The following AKAP3 variants were observed in gnomAD, a reference collection of about 807,000 sequenced individuals.
The protein encoded by AKAP3 is A-kinase anchoring protein 3, also known as A-kinase anchor protein 3.
Under a neutral mutation model 57.2 loss-of-function variants are expected in AKAP3, and 27 were observed. The ratio of observed to expected loss-of-function variants is 0.47; its 90% CI spans 0.35 to 0.65. The LOEUF is 0.65. Ranked by LOEUF, AKAP3 falls within the 30% of genes least tolerant of loss-of-function variation. The pLI is 0.01. For synonymous variants in AKAP3, 334 were observed against 392.3 expected (o/e 0.85, Z 1.76); for missense variants, 959 against 1,040.0 (o/e 0.92, Z 1.07).
At position 4,627,993 on chromosome 12, in the gene AKAP3, T is replaced by C; in HGVS notation, c.909A>G (p.Thr303=). 8 of 1,614,070 alleles carry C rather than the reference T, an allele frequency of 5.0e-6. No individual in the cohort carries two copies. The highest frequency in any genetic ancestry group is 5.9e-6 in the Non-Finnish European group (7 of 1,179,986). ...TTGTGTCTTTCACTTGGATCTTCAG[T>C]GTCTTCATGATGGAGACCATCATAT... is the stretch of plus-strand genomic sequence containing the variant. ...VSDMMVSIMK[T]LKIQVKDTTI... is the part of the protein sequence containing the mutation. Residue 303 remains threonine (T), a synonymous_variant, in exon 5 of 6, where the codon ACA becomes ACG. Transcript: ENST00000228850.
At chr12:4,622,559 G>A (rs994354914) in intron 5 of AKAP3, among the ~76,000 whole-genome samples, 5 of 152,130 alleles carry the variant, frequency 3.3e-5, no homozygotes, top group African/African-American at 1.2e-4. Flanking sequence ...TAGGTGCTGG[G>A]ATAACTGGCT....
In AKAP3 at chr12:4,627,077, G is replaced by A. The variant is rs1260746821; in HGVS notation, c.1825C>T (p.Arg609Cys). 5.6e-6 allele frequency: 9 copies of A among 1,614,072 alleles called. No homozygotes were observed. The highest frequency in any genetic ancestry group is 4.0e-5 in the African/African-American group (3 of 75,026). ...RNLLSETIFK[R>C]DQSPEPKVPE... ...ACCTTGGGTTCAGGGCTCTGGTCAC[G>A]CTTGAAAATGGTCTCACTAAGTAAG... is the stretch of plus-strand genomic sequence containing the variant. Residue 609 changes from arginine to cysteine, a missense_variant, in exon 5 of 6, where the codon CGT becomes TGT. Arg to Cys is a radical substitution (Grantham distance 180). Transcript: ENST00000228850.
At position 4,649,007 on chromosome 12, in the gene AKAP3, C is replaced by G; in HGVS notation, c.-507G>C. ...CCCAGCTTTCTTCTTAACCAACAATCTACCCGAAACCGTCGTTTCTTGGTT... is the reference window on the plus strand; with the variant it reads ...CCCAGCTTTCTTCTTAACCAACAATGTACCCGAAACCGTCGTTTCTTGGTT... On this transcript the variant is annotated 5_prime_UTR_variant, in exon 1 of 6. Transcript: ENST00000228850. The G allele has an allele frequency of 8.8e-7, 1 of 1,138,872 alleles. No individual in the cohort carries two copies. The highest frequency in any genetic ancestry group is 1.3e-6 in the Non-Finnish European group (1 of 793,552). 70.5% of individuals were successfully genotyped at this position (1,138,872 alleles called of 1,614,324 possible). A position where few individuals can be genotyped will look rare whatever the true frequency, so the allele number is the denominator to read the frequency against.
At chr12:4,639,670 T>C (rs1249630878) in intron 3 of AKAP3, among the ~76,000 whole-genome samples, 1 of 145,190 alleles carries the variant, frequency 6.9e-6, no homozygotes, top group Non-Finnish European at 1.5e-5. Context: ...AGTGAGAACA[T>C]GCAGTGTTTG....
At chr12:4,628,964 A>G (rs1379578209) in intron 4 of AKAP3, among the ~76,000 whole-genome samples, 159 bp from the exon 5 acceptor site, 1 of 152,260 alleles carries the variant, frequency 6.6e-6, no homozygotes, top group African/African-American at 2.4e-5. Flanking sequence ...TGTGTATCAG[A>G]CATTGTTCCA....
intron 1 of AKAP3, among the ~76,000 whole-genome samples, chr12:4,647,161 C>T (rs1945709724): frequency 6.6e-6 from 1 of 152,122 alleles, no homozygotes; most frequent in African/African-American, 2.4e-5. Context: ...TTTGATACTT[C>T]AGTGGTATTT....
At position 4,615,819 on chromosome 12, in the gene AKAP3, C is replaced by T. The variant is rs1203883271; in HGVS notation, c.2482G>A (p.Glu828Lys). Residue 828 changes from glutamate (E) to lysine (K), a missense_variant, in exon 6 of 6, where the codon GAG becomes AAG. By Grantham distance (56) the Glu-to-Lys change is moderately conservative. Transcript: ENST00000228850. ...GCCTCATTCAGCTGGCGCTCCTTCT[C>T]ATAGCGCAGCACCGACTGCAGAACC... ...GEVLQSVLRYEKERQLNEAVG... is the reference protein window; with the variant it reads ...GEVLQSVLRYKKERQLNEAVG... The T allele has an allele frequency of 1.2e-6, 2 of 1,614,132 alleles. No homozygotes were observed. Among genetic ancestry groups the T allele is most frequent in the Non-Finnish European group, 8.5e-7 (1 of 1,180,042 alleles).
At chr12:4,616,032 T>TTG in intron 5 of AKAP3, 138 bp from the exon 6 acceptor site, 1 of 1,017,214 alleles carries the variant, frequency 9.8e-7, no homozygotes. Flanking sequence ...GCTGGCCTGT[T>TTG]TAACAGAAGG....
At chr12:4,644,552 G>A (rs1945676144) in intron 2 of AKAP3, among the ~76,000 whole-genome samples, 1 of 152,216 alleles carries the variant, frequency 6.6e-6, no homozygotes, top group South Asian at 2.1e-4. Flanking sequence ...AAGATGGTAG[G>A]TTTGACTTTA....
intron 4 of AKAP3, chr12:4,635,900 C>T (rs1945559527): frequency 1.4e-6 from 1 of 715,626 alleles, no homozygotes; most frequent in African/African-American, 1.8e-5. Flanking sequence ...TTAGATCTCT[C>T]CATTTTTTCT....
intron 3 of AKAP3, among the ~76,000 whole-genome samples, chr12:4,638,744 G>A (rs747691730): frequency 1.3e-5 from 2 of 152,190 alleles, no homozygotes; most frequent in African/African-American, 4.8e-5. Flanking sequence ...GATCCTGGGG[G>A]AATTCTCAGC....
At chr12:4,619,769 A>G (rs1945324784) in intron 5 of AKAP3, among the ~76,000 whole-genome samples, 1 of 152,202 alleles carries the variant, frequency 6.6e-6, no homozygotes, top group African/African-American at 2.4e-5. Context: ...CTAAATATCT[A>G]TTATCTGATA....
rs1945274434 is a variant in AKAP3 at position 4,615,618 on chromosome 12, GTGTGAAGATAATGTTAGGGCTC to G, written c.*99_*120del. ...AGATGACATGTCTTTGATGAGAGTGGTGTGAAGATAATGTTAGGGCTCTGTGAGGATATAGAGGGGGAGATGT... is the reference window on the plus strand; with the variant it reads ...AGATGACATGTCTTTGATGAGAGTGGTGTGAGGATATAGAGGGGGAGATGT... On this transcript the variant is annotated 3_prime_UTR_variant, in exon 6 of 6. Transcript: ENST00000228850. The G allele has an allele frequency of 8.0e-7, 1 of 1,245,560 alleles. No homozygotes were observed. Among genetic ancestry groups the G allele is most frequent in the Non-Finnish European group, 1.1e-6 (1 of 897,286 alleles). The allele number at this position is 1,245,560 out of a possible 1,614,324, so 77.2% of individuals were successfully genotyped here.
intron 4 of AKAP3, among the ~76,000 whole-genome samples, chr12:4,634,883 G>C (rs1432428347): frequency 6.6e-6 from 1 of 152,112 alleles, no homozygotes; most frequent in Non-Finnish European, 1.5e-5. Context: ...GATACCAGGA[G>C]AAATGAACAT....
intron 4 of AKAP3, chr12:4,636,285 G>A: frequency 2.6e-6 from 1 of 385,706 alleles, no homozygotes; most frequent in Non-Finnish European, 4.8e-6. Context: ...GCTGTGGGCT[G>A]AAGCCCCAGG....
At chr12:4,632,730 T>C (rs1945513863) in intron 4 of AKAP3, among the ~76,000 whole-genome samples, 1 of 152,134 alleles carries the variant, frequency 6.6e-6, no homozygotes, top group Non-Finnish European at 1.5e-5. Context: ...AAGCTCTGCC[T>C]CCCGAGTTCA....
At chr12:4,616,105 GCTCT>G (rs1945282096) in intron 5 of AKAP3, among the ~76,000 whole-genome samples, 1 of 152,204 alleles carries the variant, frequency 6.6e-6, no homozygotes, top group Non-Finnish European at 1.5e-5. Flanking sequence ...CCATGATCTT[GCTCT>G]CTAAGAATTC....
At position 4,641,149 on chromosome 12, in the gene AKAP3, TGCAACATCTGCCTCCCAGGATGCTCACC is replaced by T. The variant is rs371710423; in HGVS notation, c.-1+722_-1+749del. Among the ~76,000 whole-genome samples, 1,213 of 133,506 alleles carry T rather than the reference TGCAACATCTGCCTCCCAGGATGCTCACC, an allele frequency of 9.1e-3. 8 individuals are homozygous for T. Among genetic ancestry groups the T allele is most frequent in the African/African-American group, 0.024 (878 of 36,798 alleles). The allele number at this position is 133,506 out of a possible 152,430, so 87.6% of individuals were successfully genotyped here. On this transcript the variant is annotated intron_variant, in intron 3 of 5. Transcript: ENST00000228850. ...GTGTACAGGCGCGATCTCGGCTCAC[TGCAACATCTGCCTCCCAGGATGCTCACC>T]GCAACCTCCGCCTTCCCAGGGAGTA...
Position 4,627,176 on chromosome 12 carries a change from C to G in AKAP3, c.1726G>C (p.Ala576Pro). 1.9e-6 allele frequency: 3 copies of G among 1,614,098 alleles called. No homozygotes were observed. In the South Asian group the frequency reaches 3.3e-5, roughly 18 times the overall value. ...VAPDESCLKS[A>P]PIVGDQEQAE... is the part of the protein sequence containing the mutation. ...TGTTCTTGGTCACCTACAATGGGAG[C>G]AGACTTAAGGCAAGATTCATCGGGA... is the stretch of plus-strand genomic sequence containing the variant. The change falls in exon 5 of 6, where the codon GCT becomes CCT. Residue 576 changes from alanine to proline, a missense_variant. Physicochemically the swap from Ala to Pro is conservative, Grantham distance 27. Transcript: ENST00000228850.
Sources: allele counts gnomAD v4.1 joint callset (sites outside exome capture counted in the v4.1 genomes callset), GRCh38; gene constraint gnomAD v4.1.1; transcripts MANE v1.5; gene names NCBI Gene and HGNC (gene_info 2026-07-23, HGNC 2026-07-21).